The following CEP89 variants were observed in gnomAD, a reference collection of about 807,000 sequenced individuals.
The protein encoded by CEP89 is centrosomal protein of 89 kDa.
A neutral mutation model predicts 97.6 loss-of-function variants in CEP89; 95 were observed. That is an observed-to-expected ratio of 0.97 (90% confidence interval 0.82 to 1.15). CEP89 has a LOEUF of 1.15. Ranked by LOEUF, CEP89 falls within the 50% of genes most tolerant of loss-of-function variation. The pLI is 0.00. For missense variants in CEP89, 869 were observed against 947.7 expected, an observed-to-expected ratio of 0.92 and a Z score of 1.09; for synonymous variants, 354 against 349.1, an observed-to-expected ratio of 1.01 and a Z score of -0.16.
chr19:32,943,773 G>A (rs1432814154), intron 5 of CEP89, among the ~76,000 whole-genome samples: 1 of 152,118 alleles, frequency 6.6e-6, no homozygotes, highest in Non-Finnish European at 1.5e-5. Context: ...GAACAGCAGA[G>A]TAGCTGGAAA....
At chr19:32,953,322 T>C (rs541404402) in intron 4 of CEP89, among the ~76,000 whole-genome samples, 1 of 151,726 alleles carries the variant, frequency 6.6e-6, no homozygotes, top group East Asian at 1.9e-4. Context: ...ATAAAAGTGA[T>C]AGGAAATTTA....
intron 5 of CEP89, among the ~76,000 whole-genome samples, chr19:32,943,349 T>G (rs1184587456): frequency 6.6e-6 from 1 of 152,180 alleles, no homozygotes; most frequent in East Asian, 1.9e-4. Context: ...ACATTCTTGC[T>G]GTCAAAAATT....
chr19:32,884,653 C>T (rs769786825), intron 17 of CEP89, among the ~76,000 whole-genome samples: 2 of 152,126 alleles, frequency 1.3e-5, no homozygotes, highest in Non-Finnish European at 2.9e-5. Flanking sequence ...GATCATAGCT[C>T]ACTACAGCTT....
At chr19:32,943,956 G>A (rs1970741145) in intron 5 of CEP89, among the ~76,000 whole-genome samples, 2 of 151,528 alleles carry the variant, frequency 1.3e-5, no homozygotes, top group South Asian at 4.2e-4. Context: ...GGCCAGATGA[G>A]GTGTCTCATG....
chr19:32,971,787 AT>A, intron 1 of CEP89, 48 bp downstream of exon 1: 1 of 1,564,222 alleles, frequency 6.4e-7, no homozygotes, highest in Non-Finnish European at 8.7e-7. Context: ...TTTACCCCTA[AT>A]TCCCGGCCCC....
chr19:32,922,288 T>C (rs1406493092), intron 12 of CEP89, among the ~76,000 whole-genome samples: 1 of 152,188 alleles, frequency 6.6e-6, no homozygotes, highest in Admixed American at 6.5e-5. Context: ...CAGCCTGCAA[T>C]CCCAGCACTT....
intron 7 of CEP89, among the ~76,000 whole-genome samples, chr19:32,934,293 G>A (rs1474764328): frequency 6.6e-6 from 1 of 152,176 alleles, no homozygotes. Flanking sequence ...AGAGTCCCAG[G>A]GCAGCCTCTG....
chr19:32,918,416 A>G, intron 12 of CEP89, 77 bp from the exon 13 acceptor site: 1 of 1,015,604 alleles, frequency 9.8e-7, no homozygotes, highest in East Asian at 2.4e-5. Context: ...ATCTAAAAGG[A>G]AGCAATGGCT....
At chr19:32,921,059 A>C (rs1177667522) in intron 12 of CEP89, among the ~76,000 whole-genome samples, 2 of 151,598 alleles carry the variant, frequency 1.3e-5, no homozygotes, top group Admixed American at 1.3e-4. Context: ...CTCTACTAAA[A>C]ATAAAAAAAA....
chr19:32,964,176 ATT>A (rs113541335), intron 2 of CEP89, among the ~76,000 whole-genome samples: 188 of 147,782 alleles, frequency 1.3e-3, no homozygotes, highest in African/African-American at 3.8e-3. Flanking sequence ...TTGTGTATAC[ATT>A]TTTTTTTTTT....
rs1405659439 is a variant in CEP89, at chr19:32,895,504, T to TAACATCATACCGAGTAGGGGAAAGCA, written c.1875+4327_1875+4352dup. On this transcript the variant is annotated intron_variant, in intron 16 of 18. Transcript: ENST00000305768. ...AGGCCATATATGACAAACCCACAGCTAACATCATACCGAGTAGGGGAAAGC... is the reference window on the plus strand; with the variant it reads ...AGGCCATATATGACAAACCCACAGCTAACATCATACCGAGTAGGGGAAAGCAAACATCATACCGAGTAGGGGAAAGC... Among the ~76,000 whole-genome samples, 25 of 152,268 alleles carry TAACATCATACCGAGTAGGGGAAAGCA rather than the reference T, an allele frequency of 1.6e-4. 1 individual carries two copies. The Middle Eastern group carries it at 0.014, about 83-fold the overall frequency.
At chr19:32,943,405 C>T (rs1022990406) in intron 5 of CEP89, among the ~76,000 whole-genome samples, 7 of 152,134 alleles carry the variant, frequency 4.6e-5, no homozygotes, top group South Asian at 2.1e-4. Flanking sequence ...CATAATCCCT[C>T]GAAACCTTCC....
intron 15 of CEP89, among the ~76,000 whole-genome samples, chr19:32,900,215 G>C (rs576827022): frequency 1.9e-4 from 29 of 151,378 alleles, no homozygotes; most frequent in African/African-American, 6.8e-4. Context: ...TGAATAAGAG[G>C]AGTTGCAAAT....
chr19:32,900,225 T>A (rs1214844300), intron 15 of CEP89, among the ~76,000 whole-genome samples: 3 of 149,840 alleles, frequency 2.0e-5, no homozygotes, highest in African/African-American at 7.4e-5. Flanking sequence ...GAGTTGCAAA[T>A]GTCTAACAAT....
chr19:32,951,434 CA>C (rs536303549), intron 4 of CEP89, among the ~76,000 whole-genome samples: 2 of 151,486 alleles, frequency 1.3e-5, no homozygotes, highest in South Asian at 4.2e-4. Context: ...TGCAGTGAAC[CA>C]AGATTGCACC....
At chr19:32,955,481 T>C (rs1255687536) in intron 3 of CEP89, among the ~76,000 whole-genome samples, 1 of 152,156 alleles carries the variant, frequency 6.6e-6, no homozygotes, top group Non-Finnish European at 1.5e-5. Flanking sequence ...GTTACTCACA[T>C]AAAACAAACC....
chr19:32,904,596 CTT>C (rs550676154), intron 14 of CEP89, among the ~76,000 whole-genome samples: 23 of 140,568 alleles, frequency 1.6e-4, no homozygotes, highest in Middle Eastern at 3.3e-3. Context: ...TTCTTTCTTC[CTT>C]TTTTTTTTTT....
chr19:32,965,666 A>G (rs1005946923), intron 2 of CEP89, among the ~76,000 whole-genome samples: 8 of 151,580 alleles, frequency 5.3e-5, no homozygotes, highest in African/African-American at 1.9e-4. Flanking sequence ...ACTGCACTCC[A>G]GCCTGGGCAA....
intron 13 of CEP89, among the ~76,000 whole-genome samples, chr19:32,917,032 T>C (rs58996429): frequency 0.03 from 4,553 of 152,040 alleles, 236 homozygotes; most frequent in African/African-American, 0.1. Context: ...AAATATCTAA[T>C]TGGTCAAAGT....
Sources: gnomAD v4.1 joint callset for allele counts (sites outside exome capture counted in the v4.1 genomes callset) on GRCh38, gnomAD v4.1.1 for gene constraint, MANE v1.5 for transcripts, NCBI Gene and HGNC (gene_info 2026-07-23, HGNC 2026-07-21) for gene names.